Variants in TRIM50 observed in about 807,000 individuals in gnomAD.
The protein encoded by TRIM50 is E3 ubiquitin-protein ligase TRIM50.
TRIM50 carries 34 observed loss-of-function variants against 44.9 expected under a neutral mutation model. The observed-to-expected ratio is 0.76, with a 90% confidence interval of 0.58 to 1.01. The LOEUF (loss-of-function observed/expected upper bound fraction) is 1.01. Ranked by LOEUF, TRIM50 falls within the 50% of genes least tolerant of loss-of-function variation. The probability of loss-of-function intolerance (pLI) is 0.00; values close to 1 mark genes in which losing one functional copy is unlikely to be tolerated. For synonymous variants in TRIM50, 307 were observed against 291.1 expected (o/e 1.05, Z -0.56); for missense variants, 633 against 663.7 (o/e 0.95, Z 0.51).
Position 73,312,869 on chromosome 7 carries a change from C to T in TRIM50, c.*52G>A. ...CGGGACCCAGCAGAAGCCCGCGAGT[C>T]CCCGGTGCCCCGCCGGGATGGGCCT... On this transcript the variant is annotated 3_prime_UTR_variant, in exon 7 of 7. Coordinates refer to ENST00000333149, the MANE Select transcript of TRIM50 (RefSeq NM_178125.3). The T allele has an allele frequency of 1.4e-6, 2 of 1,402,668 alleles. No individual in the cohort carries two copies. Among genetic ancestry groups the T allele is most frequent in the South Asian group, 2.9e-5 (2 of 69,054 alleles). The allele number at this position is 1,402,668 out of a possible 1,614,324, so 86.9% of individuals were successfully genotyped here.
Position 73,325,014 on chromosome 7 carries a change from A to ATGTGTGTGTGTG in TRIM50, c.-18-221_-18-210dup, listed in dbSNP as rs3040867. Among the ~76,000 whole-genome samples the ATGTGTGTGTGTG allele has an allele frequency of 1.0e-2, 1,417 of 142,000 alleles. 12 individuals are homozygous for ATGTGTGTGTGTG. Among genetic ancestry groups the ATGTGTGTGTGTG allele is most frequent in the East Asian group, 0.026 (124 of 4,750 alleles). The allele number at this position is 142,000 out of a possible 152,430, so 93.2% of individuals were successfully genotyped here. A position where few individuals can be genotyped will look rare whatever the true frequency, so the allele number is the denominator to read the frequency against. ...TGAAAAAAACTGGTCCCTTGAAGATATGTGTGTGTGTGTGTGTGTGTGTGT... is the reference window on the plus strand; with the variant it reads ...TGAAAAAAACTGGTCCCTTGAAGATATGTGTGTGTGTGTGTGTGTGTGTGTGTGTGTGTGTGT... On this transcript the variant is annotated intron_variant, in intron 1 of 6. Coordinates refer to ENST00000333149, the MANE Select transcript of TRIM50 (RefSeq NM_178125.3).
chr7:73,313,320 C>T lies in TRIM50; in HGVS notation c.1065G>A (p.Val355=), dbSNP rs1327270063. Reference sequence around the variant, plus strand: ...CCAGGCGCCAGTCGCTCTTGCTGCCCACCACCACCTCCCAGTAGTGGCGGC... The same window carrying T: ...CCAGGCGCCAGTCGCTCTTGCTGCCTACCACCACCTCCCAGTAGTGGCGGC... ...SCGRHYWEVV[V]GSKSDWRLGV... The change falls in exon 7 of 7, where the codon GTG becomes GTA. Residue 355 remains valine, a synonymous_variant. Transcript: ENST00000333149. This position sits in a 1 kb window ranked among gnomAD's most constrained non-coding sequence, Gnocchi z 4.9. The T allele has an allele frequency of 1.2e-6, 2 of 1,605,954 alleles. No homozygotes were observed. Among genetic ancestry groups the T allele is most frequent in the Non-Finnish European group, 1.7e-6 (2 of 1,177,238 alleles).
At chr7:73,316,487 ATC>A (rs1804361147) in intron 6 of TRIM50, 76 bp downstream of exon 6, 5 of 1,570,626 alleles carry the variant, frequency 3.2e-6, no homozygotes, top group Admixed American at 1.8e-5. Context: ...GTAGCTTATT[ATC>A]TCTCTGATAC....
chr7:73,318,138 G>T (rs1804402703), intron 5 of TRIM50, among the ~76,000 whole-genome samples: 1 of 151,986 alleles, frequency 6.6e-6, no homozygotes, highest in Non-Finnish European at 1.5e-5. Flanking sequence ...ATTCTGTTTT[G>T]TTTTCTGAGA....
In TRIM50 at chr7:73,313,658, C is replaced by G. The variant is rs1310832266; in HGVS notation, c.875-148G>C. On this transcript the variant is annotated intron_variant, in intron 6 of 6. Transcript: ENST00000333149. The surrounding 1 kb of genome is among the most constrained non-coding windows in gnomAD (Gnocchi z 4.9). The stretch of plus-strand genomic sequence containing the variant: ...CCCCAGGGTCTAGAAGGGGCCAGTA[C>G]AGGGCTGCTCCCTGAATGAATGAAT... 1.7e-6 allele frequency: 1 copy of G among 589,798 alleles called. No homozygotes were observed. Among genetic ancestry groups the G allele is most frequent in the Non-Finnish European group, 2.9e-6 (1 of 344,706 alleles). The allele number at this position is 589,798 out of a possible 1,614,324, so 36.5% of individuals were successfully genotyped here.
In TRIM50 at chr7:73,312,901, C is replaced by A; in HGVS notation, c.*20G>T. On this transcript the variant is annotated 3_prime_UTR_variant, in exon 7 of 7. Coordinates refer to ENST00000333149, the MANE Select transcript of TRIM50 (RefSeq NM_178125.3). ...GCCCCGCCGGGATGGGCCTGTGGGC[C>A]GGCAGGACTCCGGGCGGCCCTACAG... 1 of 1,504,748 alleles carries A rather than the reference C, an allele frequency of 6.6e-7. No homozygotes were observed. 93.2% of individuals were successfully genotyped at this position (1,504,748 alleles called of 1,614,324 possible). A position where few individuals can be genotyped will look rare whatever the true frequency, so the allele number is the denominator to read the frequency against.
At chr7:73,316,184 A>G (rs1279507028) in intron 6 of TRIM50, among the ~76,000 whole-genome samples, 1 of 152,120 alleles carries the variant, frequency 6.6e-6, no homozygotes, top group Admixed American at 6.5e-5. Context: ...CCCAGACAAA[A>G]AGTACATTAC....
At chr7:73,322,304 G>C (rs1175426210) in intron 2 of TRIM50, among the ~76,000 whole-genome samples, 2 of 152,102 alleles carry the variant, frequency 1.3e-5, no homozygotes, top group Non-Finnish European at 2.9e-5. Context: ...AGCCGAGATC[G>C]CACCACTGCG....
intron 6 of TRIM50, among the ~76,000 whole-genome samples, chr7:73,315,494 G>GGCC (rs1360579247): frequency 6.6e-6 from 1 of 151,788 alleles, no homozygotes; most frequent in Non-Finnish European, 1.5e-5. Context: ...TCAGTAGCTG[G>GGCC]GCCCACAGGC....
At chr7:73,317,765 G>C (rs1349783019) in intron 5 of TRIM50, among the ~76,000 whole-genome samples, 6 of 152,128 alleles carry the variant, frequency 3.9e-5, no homozygotes, top group African/African-American at 1.4e-4. Flanking sequence ...GAAGGCTTGG[G>C]AACTGCACGT....
Position 73,313,204 on chromosome 7 carries a change from AC to A in TRIM50, c.1180del (p.Val394CysfsTer122). The A allele has an allele frequency of 6.3e-7, 1 of 1,589,612 alleles. No individual in the cohort carries two copies. The highest frequency in any genetic ancestry group is 8.6e-7 in the Non-Finnish European group (1 of 1,168,538). ...CCGGGGGCAGGCAAAGGCTTCGTACACCCGGCCCTCCTTCAGGCCGATCAGC... is the reference window on the plus strand; with the variant it reads ...CCGGGGGCAGGCAAAGGCTTCGTACACCGGCCCTCCTTCAGGCCGATCAGC... Reference protein sequence around the residue: ...VWLIGLKEGRVYEAFACPRVP... With the variant: ...VWLIGLKEGRXYEAFACPRVP... On this transcript the variant is annotated frameshift_variant, in exon 7 of 7. Coordinates refer to ENST00000333149, the MANE Select transcript of TRIM50 (RefSeq NM_178125.3). LOFTEE classifies it high-confidence loss of function. This position sits in a 1 kb window ranked among gnomAD's most constrained non-coding sequence, Gnocchi z 4.9.
chr7:73,320,180 G>T lies in TRIM50; in HGVS notation c.462C>A (p.Ile154=). The T allele has an allele frequency of 6.2e-7, 1 of 1,614,008 alleles. No homozygotes were observed. Among genetic ancestry groups the T allele is most frequent in the Non-Finnish European group, 8.5e-7 (1 of 1,179,880 alleles). The change falls in exon 3 of 7, where the codon ATC becomes ATA. Residue 154 remains isoleucine (I), a synonymous_variant. Transcript: ENST00000333149. ...GGGTCCGGTTGTTCACCAGTTTGGCGATGAGCTCATCCACCTTTTTCTGCT... is the reference window on the plus strand; with the variant it reads ...GGGTCCGGTTGTTCACCAGTTTGGCTATGAGCTCATCCACCTTTTTCTGCT... ...KQEQKKVDEL[I]AKLVNNRTRI...
intron 5 of TRIM50, among the ~76,000 whole-genome samples, chr7:73,317,556 C>T (rs1191004955): frequency 6.6e-6 from 1 of 152,040 alleles, no homozygotes; most frequent in Middle Eastern, 3.4e-3. Flanking sequence ...CGGGGTTTCA[C>T]CATGTTGGCT....
At chr7:73,320,553 C>T (rs1350259042) in intron 2 of TRIM50, among the ~76,000 whole-genome samples, 2 of 152,004 alleles carry the variant, frequency 1.3e-5, no homozygotes, top group Non-Finnish European at 2.9e-5. Flanking sequence ...CAAAAATTAG[C>T]CAGGCGTGGT....
Position 73,312,552 on chromosome 7 carries a change from T to G in TRIM50, c.*369A>C, listed in dbSNP as rs797041563. 3 of 204,822 alleles carry G rather than the reference T, an allele frequency of 1.5e-5. No individual in the cohort carries two copies. Among genetic ancestry groups the G allele is most frequent in the African/African-American group, 7.1e-5 (3 of 41,974 alleles). 12.7% of individuals were successfully genotyped at this position (204,822 alleles called of 1,614,324 possible). On this transcript the variant is annotated 3_prime_UTR_variant, in exon 7 of 7. Transcript: ENST00000333149. The stretch of plus-strand genomic sequence containing the variant: ...TGCAAATCATTTAAAGAGAAAGAAA[T>G]AATGTCAAATTTATTATCCTTGATA...
At position 73,324,745 on chromosome 7, in the gene TRIM50, G is replaced by A. The variant is rs1554545713; in HGVS notation, c.43C>T (p.Gln15Ter). The A allele has an allele frequency of 1.2e-6, 2 of 1,614,168 alleles. No individual in the cohort carries two copies. Among genetic ancestry groups the A allele is most frequent in the Non-Finnish European group, 1.7e-6 (2 of 1,180,042 alleles). ...AAGACCTCCAGGCAGATGGGACACT[G>A]AAGCCGGTCCTCCAGCTCTGGCAGG... is the stretch of plus-strand genomic sequence containing the variant. ...VSLPELEDRL[Q>*]CPICLEVFKE... Residue 15 changes from glutamine (Q) to a stop codon, truncating the protein, a stop_gained, in exon 2 of 7, where the codon CAG becomes TAG. Coordinates refer to ENST00000333149, the MANE Select transcript of TRIM50 (RefSeq NM_178125.3). LOFTEE classifies it high-confidence loss of function.
At chr7:73,316,254 A>C (rs1158973695) in intron 6 of TRIM50, among the ~76,000 whole-genome samples, 1 of 152,216 alleles carries the variant, frequency 6.6e-6, no homozygotes, top group Non-Finnish European at 1.5e-5. Context: ...CCATTTATGA[A>C]GCACTAAGCT....
chr7:73,320,411 A>T (rs1325980011), intron 2 of TRIM50, among the ~76,000 whole-genome samples, 169 bp from the exon 3 acceptor site: 1 of 152,246 alleles, frequency 6.6e-6, no homozygotes, highest in East Asian at 1.9e-4. Context: ...AAATTGTTCG[A>T]GAATAGTCTG....
At chr7:73,318,637 C>T in intron 5 of TRIM50, 50 bp downstream of exon 5, 1 of 1,612,200 alleles carries the variant, frequency 6.2e-7, no homozygotes, top group Non-Finnish European at 8.5e-7. Context: ...GCTGAGATGC[C>T]CGTGCCCGCA....
Sources: gnomAD v4.1 joint callset for allele counts (sites outside exome capture counted in the v4.1 genomes callset) on GRCh38, gnomAD v4.1.1 for gene constraint, Gnocchi (gnomAD v3.1) non-coding constraint, MANE v1.5 for transcripts, NCBI Gene and HGNC (gene_info 2026-07-23, HGNC 2026-07-21) for gene names.